The following SNX10 variants were observed in gnomAD, a reference collection of about 807,000 sequenced individuals.
SNX10 encodes sorting nexin-10.
Under a neutral mutation model 28.5 loss-of-function variants are expected in SNX10, and 25 were observed. The ratio of observed to expected loss-of-function variants is 0.88; its 90% CI spans 0.64 to 1.22. The LOEUF is 1.22. Among genes scored for constraint, SNX10 ranks in the 50% most tolerant of loss-of-function variants. SNX10 has a pLI of 0.00. For missense variants in SNX10, 223 were observed against 242.6 expected, an observed-to-expected ratio of 0.92 and a Z score of 0.54; for synonymous variants, 62 against 81.4, an observed-to-expected ratio of 0.76 and a Z score of 1.28.
At chr7:26,321,991 C>T (rs1185955138) in intron 1 of SNX10, among the ~76,000 whole-genome samples, 1 of 152,152 alleles carries the variant, frequency 6.6e-6, no homozygotes, top group Admixed American at 6.5e-5. Context: ...ATGCCACTCT[C>T]CCATGCCTTT....
chr7:26,328,943 C>T (rs1164421234), intron 1 of SNX10, among the ~76,000 whole-genome samples: 1 of 152,170 alleles, frequency 6.6e-6, no homozygotes, highest in Non-Finnish European at 1.5e-5. Context: ...ATACCTCCTT[C>T]CCCTTGTACA....
In SNX10 at chr7:26,327,886, C is replaced by A. The variant is rs200289528; in HGVS notation, c.-23-18534C>A. 2.3e-4 allele frequency among the ~76,000 whole-genome samples: 35 copies of A among 151,708 alleles called. 1 individual carries two copies. In the East Asian group the frequency reaches 6.2e-3, roughly 27 times the overall value. ...CTGGGACTACAGGTGCCTGCCACCA[C>A]ACCCAGCTATTTTTTTTTTGTATTT... On this transcript the variant is annotated intron_variant, in intron 1 of 6. Coordinates refer to ENST00000338523, the MANE Select transcript of SNX10 (RefSeq NM_013322.3).
chr7:26,357,136 A>T lies in SNX10; in HGVS notation c.25-3839A>T, dbSNP rs1486627941. On this transcript the variant is annotated intron_variant, in intron 2 of 6. Coordinates refer to ENST00000338523, the MANE Select transcript of SNX10 (RefSeq NM_013322.3). The stretch of plus-strand genomic sequence containing the variant: ...CTAGAGGAGGCCTACAGGTAATTAC[A>T]ATACAGCACAGTAGGATGTGGTGAG... 3 of 659,520 alleles carry T rather than the reference A, an allele frequency of 4.5e-6. No homozygotes were observed. The South Asian group carries it at 6.1e-5, about 13-fold the overall frequency. The allele number at this position is 659,520 out of a possible 1,614,324, so 40.9% of individuals were successfully genotyped here.
At chr7:26,361,405 G>T (rs1562818839) in intron 3 of SNX10, among the ~76,000 whole-genome samples, 1 of 151,708 alleles carries the variant, frequency 6.6e-6, no homozygotes, top group South Asian at 2.1e-4. Context: ...ATAATATAAT[G>T]CCTGATAACC....
chr7:26,369,484 A>G, intron 5 of SNX10, among the ~76,000 whole-genome samples: 1 of 152,244 alleles, frequency 6.6e-6, no homozygotes, highest in East Asian at 1.9e-4. Context: ...AAATAAGCAT[A>G]TAAATACATT....
chr7:26,364,705 G>A lies in SNX10; in HGVS notation c.212+70G>A. 9.3e-7 allele frequency: 1 copy of A among 1,073,038 alleles called. No individual in the cohort carries two copies. Among genetic ancestry groups the A allele is most frequent in the Non-Finnish European group, 1.4e-6 (1 of 733,902 alleles). The allele number at this position is 1,073,038 out of a possible 1,614,324, so 66.5% of individuals were successfully genotyped here. A position where few individuals can be genotyped will look rare whatever the true frequency, so the allele number is the denominator to read the frequency against. On this transcript the variant is annotated intron_variant, in intron 4 of 6. Coordinates refer to ENST00000338523, the MANE Select transcript of SNX10 (RefSeq NM_013322.3). The surrounding 1 kb of genome is among the most constrained non-coding windows in gnomAD (Gnocchi z 4.9). ...AGTATTTAAAATTGACGTTCATTAA[G>A]ATATATAAGATATGAAGGATTTTTA...
At chr7:26,296,512 A>G (rs1183704915) in intron 1 of SNX10, among the ~76,000 whole-genome samples, 1 of 152,134 alleles carries the variant, frequency 6.6e-6, no homozygotes, top group Non-Finnish European at 1.5e-5. Context: ...TGAGACCCCA[A>G]CTCTAAAAAG....
chr7:26,338,075 T>C (rs1276100316), intron 1 of SNX10, among the ~76,000 whole-genome samples: 1 of 151,976 alleles, frequency 6.6e-6, no homozygotes, highest in Non-Finnish European at 1.5e-5. Context: ...CCTTTGCACG[T>C]CATCTTTGGA....
chr7:26,365,777 A>T (rs1789264291), intron 5 of SNX10, among the ~76,000 whole-genome samples: 1 of 152,120 alleles, frequency 6.6e-6, no homozygotes, highest in African/African-American at 2.4e-5. Flanking sequence ...GCTAGAGGCC[A>T]TATAGCACGC....
chr7:26,323,320 C>T (rs962108082), intron 1 of SNX10, among the ~76,000 whole-genome samples: 7 of 151,498 alleles, frequency 4.6e-5, no homozygotes, highest in African/African-American at 1.5e-4. Context: ...AGGGGAAAAA[C>T]GAGTTATGGT....
chr7:26,372,735 T>G lies in SNX10; in HGVS notation c.*163T>G. ...GTTTATTAGTGGTATTTTTATGTTG[T>G]CTTATTTTAGGTAAGCTTCTGTGTA... is the stretch of plus-strand genomic sequence containing the variant. On this transcript the variant is annotated 3_prime_UTR_variant, in exon 7 of 7. Transcript: ENST00000338523. The G allele has an allele frequency of 1.8e-6, 1 of 552,184 alleles. No individual in the cohort carries two copies. The highest frequency in any genetic ancestry group is 3.2e-5 in the Admixed American group (1 of 31,590). 34.2% of individuals were successfully genotyped at this position (552,184 alleles called of 1,614,324 possible).
At position 26,346,433 on chromosome 7, in the gene SNX10, T is replaced by G. The variant is rs1278351974; in HGVS notation, c.-10T>G. On this transcript the variant is annotated 5_prime_UTR_variant, in exon 2 of 7. Transcript: ENST00000338523. ...CTTATTTTTCAGATTGATCGTGTCCTGTGCTGAAGATGTTTCCGGAACAAC... is the reference window on the plus strand; with the variant it reads ...CTTATTTTTCAGATTGATCGTGTCCGGTGCTGAAGATGTTTCCGGAACAAC... 6.2e-7 allele frequency: 1 copy of G among 1,607,310 alleles called. No homozygotes were observed. Among genetic ancestry groups the G allele is most frequent in the Non-Finnish European group, 8.5e-7 (1 of 1,173,864 alleles).
intron 1 of SNX10, among the ~76,000 whole-genome samples, chr7:26,293,361 C>A (rs1785998104): frequency 6.6e-6 from 1 of 152,050 alleles, no homozygotes. Context: ...CCACCACACC[C>A]CTGGCTAACT....
chr7:26,335,085 T>C (rs1353317198), intron 1 of SNX10, among the ~76,000 whole-genome samples: 1 of 152,208 alleles, frequency 6.6e-6, no homozygotes. Flanking sequence ...TTAAGGACAC[T>C]GTGCACAGGG....
Position 26,340,078 on chromosome 7 carries a change from T to G in SNX10, c.-23-6342T>G, listed in dbSNP as rs769240698. Among the ~76,000 whole-genome samples the G allele has an allele frequency of 3.3e-5, 5 of 152,128 alleles. No homozygotes were observed. The East Asian group carries it at 9.6e-4, about 29-fold the overall frequency. On this transcript the variant is annotated intron_variant, in intron 1 of 6. Coordinates refer to ENST00000338523, the MANE Select transcript of SNX10 (RefSeq NM_013322.3). The stretch of plus-strand genomic sequence containing the variant: ...ATCATTTGAAAAAATATGTGATCCT[T>G]TCTCACTCCTTACATGTATAGTCCA...
intron 2 of SNX10, among the ~76,000 whole-genome samples, chr7:26,351,293 C>T (rs1788584933): frequency 6.6e-6 from 1 of 152,222 alleles, no homozygotes; most frequent in Non-Finnish European, 1.5e-5. Context: ...CAAACACTTC[C>T]TCAGCCAGGT....
intron 1 of SNX10, among the ~76,000 whole-genome samples, chr7:26,345,494 G>GC (rs1788347323): frequency 6.6e-6 from 1 of 152,164 alleles, no homozygotes; most frequent in Admixed American, 6.5e-5. Flanking sequence ...CAGCTCGCTT[G>GC]CCCCTTCCAG....
intron 1 of SNX10, among the ~76,000 whole-genome samples, chr7:26,334,546 T>A (rs930757723): frequency 1.3e-5 from 2 of 152,206 alleles, no homozygotes; most frequent in African/African-American, 4.8e-5. Context: ...TTCAAATAAT[T>A]GTGAGGTTAA....
At chr7:26,316,081 G>A (rs965943675) in intron 1 of SNX10, among the ~76,000 whole-genome samples, 1 of 151,676 alleles carries the variant, frequency 6.6e-6, no homozygotes, top group African/African-American at 2.4e-5. Flanking sequence ...CTACTTGAGA[G>A]GCCGAGGCAG....
Sources: gnomAD v4.1 joint callset for allele counts (sites outside exome capture counted in the v4.1 genomes callset) on GRCh38, gnomAD v4.1.1 for gene constraint, Gnocchi (gnomAD v3.1) non-coding constraint, MANE v1.5 for transcripts, NCBI Gene and HGNC (gene_info 2026-07-23, HGNC 2026-07-21) for gene names.